Variants in PLEKHA7 observed in about 807,000 individuals in gnomAD.
The protein encoded by PLEKHA7 is pleckstrin homology domain-containing family A member 7.
Under a neutral mutation model 170.0 loss-of-function variants are expected in PLEKHA7, and 104 were observed. The observed-to-expected ratio is 0.61, with a 90% CI of 0.52 to 0.72. The LOEUF is 0.72. Ranked by LOEUF, PLEKHA7 falls within the 30% of genes least tolerant of loss-of-function variation. The pLI, the probability that PLEKHA7 is intolerant of heterozygous loss-of-function variation, is 0.00. For synonymous variants in PLEKHA7, 648 were observed against 660.8 expected (o/e 0.98, Z 0.30); for missense variants, 1,615 against 1,671.7 (o/e 0.97, Z 0.59).
intron 3 of PLEKHA7, among the ~76,000 whole-genome samples, chr11:16,993,905 G>A (rs908994007): frequency 2.0e-5 from 3 of 152,190 alleles, no homozygotes; most frequent in African/African-American, 7.2e-5. Context: ...TTAAGGAAGG[G>A]GGAGGAAACA....
chr11:16,953,803 C>T (rs149718354), intron 3 of PLEKHA7, among the ~76,000 whole-genome samples: 40 of 152,274 alleles, frequency 2.6e-4, no homozygotes, highest in African/African-American at 9.6e-4. Flanking sequence ...AAAGTCTATT[C>T]TTCACTGTGC....
In PLEKHA7 at chr11:16,801,696, A is replaced by G; in HGVS notation, c.2279T>C (p.Ile760Thr). 4 of 1,614,142 alleles carry G rather than the reference A, an allele frequency of 2.5e-6. No homozygotes were observed. Among genetic ancestry groups the G allele is most frequent in the Non-Finnish European group, 3.4e-6 (4 of 1,180,014 alleles). The part of the protein sequence containing the change: ...QKLLQEDLVH[I>T]RAELSRESTE... ...GGACTCTCTGGAGAGCTCAGCTCGG[A>G]TATGGACAAGGTCCTCCTGCAGCAA... The change falls in exon 16 of 27, where the codon ATC (isoleucine) becomes ACC (threonine). Residue 760 changes from isoleucine (I) to threonine (T), a missense_variant. By Grantham distance (89) the Ile-to-Thr change is moderately conservative. Coordinates refer to ENST00000531066, the MANE Select transcript of PLEKHA7 (RefSeq NM_001329630.2).
chr11:16,823,889 T>G (rs1342566860), intron 10 of PLEKHA7, among the ~76,000 whole-genome samples: 2 of 152,166 alleles, frequency 1.3e-5, no homozygotes, highest in Non-Finnish European at 2.9e-5. Context: ...ATAAACAAAA[T>G]GTGGTATTTA....
intron 10 of PLEKHA7, among the ~76,000 whole-genome samples, chr11:16,818,563 G>A (rs1849955090): frequency 6.6e-6 from 1 of 152,188 alleles, no homozygotes; most frequent in African/African-American, 2.4e-5. Flanking sequence ...CACACTGCCT[G>A]TAACTTTTCC....
chr11:16,981,454 C>A (rs1212213705), intron 3 of PLEKHA7, among the ~76,000 whole-genome samples: 1 of 152,128 alleles, frequency 6.6e-6, no homozygotes, highest in Non-Finnish European at 1.5e-5. Flanking sequence ...GAAGAGCTTC[C>A]TGGAACACCT....
intron 3 of PLEKHA7, among the ~76,000 whole-genome samples, chr11:16,926,915 AT>A (rs1224290034): frequency 2.6e-5 from 4 of 152,200 alleles, no homozygotes; most frequent in African/African-American, 7.2e-5. Context: ...CTGTACAGGA[AT>A]TTGGGAACCT....
chr11:16,827,183 T>C (rs1482662086), intron 9 of PLEKHA7, among the ~76,000 whole-genome samples: 1 of 152,194 alleles, frequency 6.6e-6, no homozygotes, highest in Admixed American at 6.5e-5. Context: ...GTACAAATGA[T>C]AGCATAATTA....
chr11:16,781,434 G>A (rs980099711), intron 26 of PLEKHA7, among the ~76,000 whole-genome samples: 3 of 152,172 alleles, frequency 2.0e-5, no homozygotes, highest in African/African-American at 7.2e-5. Context: ...GGCGAGAGGA[G>A]GGCATGGTAT....
At chr11:16,862,454 A>C (rs770003590) in intron 4 of PLEKHA7, among the ~76,000 whole-genome samples, 11 of 152,190 alleles carry the variant, frequency 7.2e-5, no homozygotes, top group Non-Finnish European at 1.3e-4. Context: ...CTCTCATTAC[A>C]TAATGATATT....
intron 17 of PLEKHA7, among the ~76,000 whole-genome samples, chr11:16,799,280 C>T (rs904155129): frequency 1.2e-4 from 19 of 152,174 alleles, no homozygotes; most frequent in African/African-American, 4.3e-4. Context: ...AAGCCTTTTA[C>T]CTGCTCCCAT....
intron 3 of PLEKHA7, among the ~76,000 whole-genome samples, chr11:16,992,414 A>T (rs1377113086): frequency 6.6e-6 from 1 of 152,160 alleles, no homozygotes; most frequent in Non-Finnish European, 1.5e-5. Flanking sequence ...ACATGGGTAA[A>T]CAAGAATCAT....
At chr11:16,985,460 G>A (rs764030254) in intron 3 of PLEKHA7, among the ~76,000 whole-genome samples, 18 of 151,890 alleles carry the variant, frequency 1.2e-4, no homozygotes, top group Non-Finnish European at 2.4e-4. Flanking sequence ...GACACAAAAA[G>A]GTGTAACATG....
At chr11:17,009,222 A>G (rs1378079795) in intron 3 of PLEKHA7, among the ~76,000 whole-genome samples, 1 of 152,194 alleles carries the variant, frequency 6.6e-6, no homozygotes, top group Non-Finnish European at 1.5e-5. Flanking sequence ...CACTTCAGCA[A>G]AATCATTGAA....
chr11:16,788,733 C>T (rs1564906494), intron 23 of PLEKHA7: 1 of 331,206 alleles, frequency 3.0e-6, no homozygotes, highest in Non-Finnish European at 5.7e-6. Flanking sequence ...GTGCTTCTAA[C>T]CAAATCATGT....
intron 3 of PLEKHA7, among the ~76,000 whole-genome samples, chr11:16,935,957 A>G (rs1860258931): frequency 6.6e-6 from 1 of 152,208 alleles, no homozygotes; most frequent in Non-Finnish European, 1.5e-5. Flanking sequence ...GCCTTGTTGC[A>G]GTTTGAAATG....
chr11:16,905,248 C>G (rs1035995187), intron 3 of PLEKHA7, among the ~76,000 whole-genome samples: 2 of 152,040 alleles, frequency 1.3e-5, no homozygotes, highest in Admixed American at 1.3e-4. Context: ...CAGGAAGATC[C>G]TGTCTCAAAT....
intron 3 of PLEKHA7, among the ~76,000 whole-genome samples, chr11:16,916,954 C>A (rs1246888292): frequency 6.6e-6 from 1 of 152,172 alleles, no homozygotes; most frequent in Non-Finnish European, 1.5e-5. Context: ...CACGGTGGCT[C>A]ACACCTGTAA....
intron 3 of PLEKHA7, among the ~76,000 whole-genome samples, chr11:16,926,033 G>A (rs1859515342): frequency 6.6e-6 from 1 of 152,238 alleles, no homozygotes; most frequent in African/African-American, 2.4e-5. Flanking sequence ...CGGCTGGGAA[G>A]ACCAGGCTGC....
intron 3 of PLEKHA7, among the ~76,000 whole-genome samples, chr11:16,934,130 G>C (rs143442189): frequency 3.1e-4 from 47 of 152,300 alleles, no homozygotes; most frequent in Non-Finnish European, 5.3e-4. Flanking sequence ...CTTGGGAGAA[G>C]AGGACTTCAC....
Sources: gnomAD v4.1 joint callset for allele counts (sites outside exome capture counted in the v4.1 genomes callset) on GRCh38, gnomAD v4.1.1 for gene constraint, MANE v1.5 for transcripts, NCBI Gene and HGNC (gene_info 2026-07-23, HGNC 2026-07-21) for gene names.